ADGRB3: variants seen among roughly 807,000 people sequenced by gnomAD.
The protein encoded by ADGRB3 is brain-specific angiogenesis inhibitor 3.
In ADGRB3, 37 loss-of-function variants were observed where a neutral mutation model predicts 193.4. The ratio of observed to expected loss-of-function variants is 0.19; its 90% CI spans 0.15 to 0.25. The LOEUF (loss-of-function observed/expected upper bound fraction) is 0.25, where lower values mean the gene tolerates loss of function less well. ADGRB3 is among the 10% of genes least tolerant of loss of function. ADGRB3 has a pLI of 1.00. For missense variants in ADGRB3, 1,637 were observed against 1,852.9 expected, an observed-to-expected ratio of 0.88 and a Z score of 2.14; for synonymous variants, 690 against 644.2, an observed-to-expected ratio of 1.07 and a Z score of -1.08.
intron 17 of ADGRB3, among the ~76,000 whole-genome samples, chr6:69,132,086 T>C (rs1244187030): frequency 1.3e-5 from 2 of 152,206 alleles, no homozygotes; most frequent in Non-Finnish European, 2.9e-5. Context: ...GCAATAAACA[T>C]ACGAGTGTAT....
At chr6:69,352,344 T>A (rs1769243749) in intron 26 of ADGRB3, among the ~76,000 whole-genome samples, 1 of 152,222 alleles carries the variant, frequency 6.6e-6, no homozygotes, top group Non-Finnish European at 1.5e-5. Context: ...TAAATATTTA[T>A]TCAGTTCTTC....
intron 8 of ADGRB3, among the ~76,000 whole-genome samples, chr6:68,972,267 T>G (rs1483476864): frequency 6.6e-6 from 1 of 152,200 alleles, no homozygotes; most frequent in Non-Finnish European, 1.5e-5. Context: ...ATAGGTCCTC[T>G]CCTACTCATC....
chr6:68,936,674 T>C lies in ADGRB3; in HGVS notation c.1024T>C (p.Cys342Arg), dbSNP rs1767493499. The change falls in exon 5 of 32, where the codon TGT (cysteine) becomes CGT (arginine). Residue 342 changes from cysteine (C) to arginine (R), a missense_variant. This residue lies in a region of ADGRB3 where 365 missense variants were observed against 409.8 expected (regional missense o/e 0.89). Coordinates refer to ENST00000370598, the MANE Select transcript of ADGRB3 (RefSeq NM_001704.3). ...AAGGGTTTGCAATAACACTGCCCTCTGTCCAGGTAGTGTTAGCAGCAACTA... is the reference window on the plus strand; with the variant it reads ...AAGGGTTTGCAATAACACTGCCCTCCGTCCAGGTAGTGTTAGCAGCAACTA... Reference protein sequence around the residue: ...ESRVCNNTALCPVHGVWEEWS... With the variant: ...ESRVCNNTALRPVHGVWEEWS... 6.2e-7 allele frequency: 1 copy of C among 1,612,640 alleles called. No homozygotes were observed. Among genetic ancestry groups the C allele is most frequent in the Non-Finnish European group, 8.5e-7 (1 of 1,179,434 alleles).
rs1400250458 is a variant in ADGRB3 at position 69,024,668 on chromosome 6, T to C, written c.2107+6169T>C. On this transcript the variant is annotated intron_variant, in intron 13 of 31. Transcript: ENST00000370598. ...CTGCTGATATATAAACCCTAACAGATACAAGAATCTAAAACATATCAATTT... is the reference window on the plus strand; with the variant it reads ...CTGCTGATATATAAACCCTAACAGACACAAGAATCTAAAACATATCAATTT... Among the ~76,000 whole-genome samples, 2 of 152,204 alleles carry C rather than the reference T, an allele frequency of 1.3e-5. 1 individual carries two copies. Among genetic ancestry groups the C allele is most frequent in the Admixed American group, 1.3e-4 (2 of 15,272 alleles).
At chr6:69,082,855 AT>A (rs1772426975) in intron 17 of ADGRB3, among the ~76,000 whole-genome samples, 1 of 152,158 alleles carries the variant, frequency 6.6e-6, no homozygotes, top group African/African-American at 2.4e-5. Flanking sequence ...TTAACAAACT[AT>A]TGGTGAGAAT....
chr6:68,914,038 C>T lies in ADGRB3; in HGVS notation c.758-16521C>T, dbSNP rs1378139710. On this transcript the variant is annotated intron_variant, in intron 3 of 31. Transcript: ENST00000370598. ...AACAAAGCCTCCAAGAAATATGGGA[C>T]TATGTGAAAAGACCAAATCTACGTC... is the stretch of plus-strand genomic sequence containing the variant. 3.3e-5 allele frequency among the ~76,000 whole-genome samples: 5 copies of T among 151,450 alleles called. No individual in the cohort carries two copies. The South Asian group carries it at 8.4e-4, about 25-fold the overall frequency.
intron 11 of ADGRB3, among the ~76,000 whole-genome samples, chr6:69,006,606 C>T (rs778229209): frequency 9.9e-5 from 15 of 151,076 alleles, no homozygotes; most frequent in South Asian, 4.2e-4. Context: ...CCTGAGTTCA[C>T]GCAATTCTCC....
At chr6:69,366,140 T>G (rs1236347794) in intron 29 of ADGRB3, among the ~76,000 whole-genome samples, 1 of 152,114 alleles carries the variant, frequency 6.6e-6, no homozygotes, top group Non-Finnish European at 1.5e-5. Context: ...CTTTTACATT[T>G]TTTTTCTCAT....
chr6:68,664,934 A>G (rs914812153), intron 3 of ADGRB3, among the ~76,000 whole-genome samples: 1 of 151,754 alleles, frequency 6.6e-6, no homozygotes, highest in Non-Finnish European at 1.5e-5. Context: ...TCTTATACAC[A>G]TTCTTACTCA....
chr6:69,091,830 A>G (rs1001426428), intron 17 of ADGRB3, among the ~76,000 whole-genome samples: 2 of 152,200 alleles, frequency 1.3e-5, no homozygotes, highest in Admixed American at 6.5e-5. Flanking sequence ...CCTTCCATAT[A>G]GTCTATTAAT....
At position 69,141,386 on chromosome 6, in the gene ADGRB3, G is replaced by A. The variant is rs570819575; in HGVS notation, c.2480+65348G>A. 2.4e-3 allele frequency among the ~76,000 whole-genome samples: 371 copies of A among 152,118 alleles called. 2 individuals carry two copies. The highest frequency in any genetic ancestry group is 4.1e-3 in the Admixed American group (63 of 15,292). On this transcript the variant is annotated intron_variant, in intron 17 of 31. Transcript: ENST00000370598. ...GATCCACCCGCCTCGGCCTCCCAAA[G>A]TGCTGGGATTACAGGCATGAGCCAC...
intron 10 of ADGRB3, 61 bp from the exon 11 acceptor site, chr6:68,993,707 G>T: frequency 2.0e-6 from 3 of 1,491,426 alleles, no homozygotes; most frequent in South Asian, 2.6e-5. Flanking sequence ...GTTTGATGAA[G>T]TTATTCAGAT....
chr6:68,783,000 T>C (rs915435419), intron 3 of ADGRB3, among the ~76,000 whole-genome samples: 3 of 151,964 alleles, frequency 2.0e-5, no homozygotes, highest in Non-Finnish European at 2.9e-5. Context: ...GTGACCATCA[T>C]GTAAACAACA....
intron 3 of ADGRB3, among the ~76,000 whole-genome samples, chr6:68,715,618 T>C (rs1343515293): frequency 6.6e-6 from 1 of 151,770 alleles, no homozygotes; most frequent in African/African-American, 2.4e-5. Flanking sequence ...TATTTCAAAG[T>C]TTTGAAAGGA....
chr6:69,187,816 G>A (rs188924194), intron 17 of ADGRB3, among the ~76,000 whole-genome samples: 54 of 152,246 alleles, frequency 3.5e-4, no homozygotes, highest in Non-Finnish European at 6.3e-4. Flanking sequence ...GATGTGAAAG[G>A]GAAAAGCAGC....
At chr6:69,186,926 G>GT (rs550287938) in intron 17 of ADGRB3, among the ~76,000 whole-genome samples, 104 of 140,926 alleles carry the variant, frequency 7.4e-4, no homozygotes, top group Middle Eastern at 3.8e-3. Flanking sequence ...TCATAGCAAG[G>GT]TTTTTTTTTT....
intron 17 of ADGRB3, among the ~76,000 whole-genome samples, chr6:69,088,725 T>G (rs1253596913): frequency 6.6e-6 from 1 of 152,206 alleles, no homozygotes; most frequent in African/African-American, 2.4e-5. Flanking sequence ...TTCTTTTCTT[T>G]CAAGAGAGAA....
chr6:69,277,225 C>T (rs1184958225), intron 20 of ADGRB3, among the ~76,000 whole-genome samples: 1 of 151,950 alleles, frequency 6.6e-6, no homozygotes, highest in African/African-American at 2.4e-5. Context: ...GAACTCCTGA[C>T]CTTGTGATTT....
rs143786976 is a variant in ADGRB3, at chr6:68,826,304, C to T, written c.758-104255C>T. ...GAAAGTACACCTTGAAATGGGAATT[C>T]GAGGAAGGCTTCACTGAGAAGAAAG... On this transcript the variant is annotated intron_variant, in intron 3 of 31. Coordinates refer to ENST00000370598, the MANE Select transcript of ADGRB3 (RefSeq NM_001704.3). 7.4e-3 allele frequency among the ~76,000 whole-genome samples: 1,132 copies of T among 152,082 alleles called. 17 individuals carry two copies. Among genetic ancestry groups the T allele is most frequent in the African/African-American group, 0.026 (1,071 of 41,462 alleles).
Sources: allele counts gnomAD v4.1 joint callset (sites outside exome capture counted in the v4.1 genomes callset), GRCh38; gene constraint gnomAD v4.1.1; regional missense constraint gnomAD v4.1.1; transcripts MANE v1.5; gene names NCBI Gene and HGNC (gene_info 2026-07-23, HGNC 2026-07-21).